The following DLGAP3 variants were observed in gnomAD, a reference collection of about 807,000 sequenced individuals.
DLGAP3 encodes DLG associated protein 3.
In DLGAP3, 17 loss-of-function variants were observed where a neutral mutation model predicts 81.2. That is an observed-to-expected ratio of 0.21 (90% CI 0.14 to 0.31). The LOEUF (loss-of-function observed/expected upper bound fraction) is 0.31, where lower values mean the gene tolerates loss of function less well. Among genes scored for constraint, DLGAP3 ranks in the 10% least tolerant of loss-of-function variants. DLGAP3 has a pLI of 1.00. For missense variants in DLGAP3, 1,124 were observed against 1,388.0 expected, an observed-to-expected ratio of 0.81 and a Z score of 3.02; for synonymous variants, 577 against 587.4, an observed-to-expected ratio of 0.98 and a Z score of 0.26.
At chr1:34,928,818 A>G (rs1402121420) in intron 1 of DLGAP3, among the ~76,000 whole-genome samples, 2 of 151,536 alleles carry the variant, frequency 1.3e-5, no homozygotes, top group Non-Finnish European at 2.9e-5. Flanking sequence ...CCATTCACAC[A>G]CTCACAGACA....
At chr1:34,914,274 G>C (rs1639684384) in intron 1 of DLGAP3, among the ~76,000 whole-genome samples, 1 of 152,178 alleles carries the variant, frequency 6.6e-6, no homozygotes, top group Non-Finnish European at 1.5e-5. Context: ...CTAATTGCAG[G>C]CATGGCCAAC....
At chr1:34,869,480 A>ATTTTT (rs71029050) in intron 8 of DLGAP3, among the ~76,000 whole-genome samples, 1 of 69,276 alleles carries the variant, frequency 1.4e-5, no homozygotes, top group African/African-American at 5.2e-5. Context: ...AGATATTTCA[A>ATTTTT]TTTTTTTTTT....
At position 34,902,493 on chromosome 1, in the gene DLGAP3, A is replaced by G. The variant is rs1639476365; in HGVS notation, c.1107+1784T>C. Among the ~76,000 whole-genome samples, 1 of 152,094 alleles carries G rather than the reference A, an allele frequency of 6.6e-6. No individual in the cohort carries two copies. ...ACAGGGCTTTGACAATCAGATCGGG[A>G]GTCCAGCAAAGACACCTGGCCTCAT... is the stretch of plus-strand genomic sequence containing the variant. On this transcript the variant is annotated intron_variant, in intron 3 of 11. Transcript: ENST00000373347. The surrounding 1 kb of genome is among the most constrained non-coding windows in gnomAD (Gnocchi z 4.4).
In DLGAP3 at chr1:34,873,113, C is replaced by T. The variant is rs1348148597; in HGVS notation, c.2001-4024G>A. On this transcript the variant is annotated intron_variant, in intron 8 of 11. Coordinates refer to ENST00000373347, the MANE Select transcript of DLGAP3 (RefSeq NM_001080418.3). The surrounding 1 kb of genome is among the most constrained non-coding windows in gnomAD (Gnocchi z 4.2). The stretch of plus-strand genomic sequence containing the variant: ...CATGCTCAATCCTCACAAACAGTCC[C>T]ACTCTATGGATGTTAGTGTCAGCCC... 6.6e-6 allele frequency among the ~76,000 whole-genome samples: 1 copy of T among 152,214 alleles called. No homozygotes were observed. The highest frequency in any genetic ancestry group is 6.5e-5 in the Admixed American group (1 of 15,286).
chr1:34,874,713 C>T (rs1291318918), intron 8 of DLGAP3, among the ~76,000 whole-genome samples: 1 of 152,024 alleles, frequency 6.6e-6, no homozygotes, highest in Non-Finnish European at 1.5e-5. Context: ...AACATAAAAG[C>T]CTCTGGGTAG....
At chr1:34,876,205 T>C (rs1639054181) in intron 8 of DLGAP3, among the ~76,000 whole-genome samples, 1 of 152,098 alleles carries the variant, frequency 6.6e-6, no homozygotes, top group Non-Finnish European at 1.5e-5. Flanking sequence ...GCCAGCCCCC[T>C]CCCCTTATAT....
chr1:34,903,897 C>T (rs1639501501), intron 3 of DLGAP3, among the ~76,000 whole-genome samples: 1 of 152,176 alleles, frequency 6.6e-6, no homozygotes, highest in African/African-American at 2.4e-5. Context: ...AACTGCTTTC[C>T]AACTGCCGAC....
chr1:34,904,161 C>A lies in DLGAP3; in HGVS notation c.1107+116G>T. Reference sequence around the variant, plus strand: ...TGGGGCAGGGCAGAGCCTCCCTACACCCAGGCCCTCCATCACAGGGACAGC... The same window carrying A: ...TGGGGCAGGGCAGAGCCTCCCTACAACCAGGCCCTCCATCACAGGGACAGC... On this transcript the variant is annotated intron_variant, in intron 3 of 11. Coordinates refer to ENST00000373347, the MANE Select transcript of DLGAP3 (RefSeq NM_001080418.3). This position sits in a 1 kb window ranked among gnomAD's most constrained non-coding sequence, Gnocchi z 8.1. 3 of 1,308,938 alleles carry A rather than the reference C, an allele frequency of 2.3e-6. No individual in the cohort carries two copies. The highest frequency in any genetic ancestry group is 1.1e-6 in the Non-Finnish European group (1 of 917,738). 81.1% of individuals were successfully genotyped at this position (1,308,938 alleles called of 1,614,324 possible).
chr1:34,872,064 G>A (rs1308416708), intron 8 of DLGAP3, among the ~76,000 whole-genome samples: 1 of 152,138 alleles, frequency 6.6e-6, no homozygotes, highest in African/African-American at 2.4e-5. Flanking sequence ...AAAGAACAAC[G>A]GATCCAAGAT....
chr1:34,882,555 G>T (rs939193863), intron 8 of DLGAP3, among the ~76,000 whole-genome samples: 2 of 152,140 alleles, frequency 1.3e-5, no homozygotes, highest in African/African-American at 4.8e-5. Flanking sequence ...GTTGTAAAAT[G>T]CAATAGAAGA....
chr1:34,910,764 T>C (rs2151553), intron 1 of DLGAP3, among the ~76,000 whole-genome samples: 6,492 of 152,272 alleles, frequency 0.043, 466 homozygotes, highest in African/African-American at 0.15. Flanking sequence ...CAAGGCACCA[T>C]GTACCTGTCT....
intron 7 of DLGAP3, 50 bp downstream of exon 7, chr1:34,885,427 GC>G: frequency 6.3e-7 from 1 of 1,589,420 alleles, no homozygotes; most frequent in South Asian, 1.1e-5. Flanking sequence ...CCTCACCCCA[GC>G]CCCGACCGAC....
chr1:34,877,008 A>T (rs1569602210), intron 8 of DLGAP3, among the ~76,000 whole-genome samples: 1 of 152,354 alleles, frequency 6.6e-6, no homozygotes, highest in East Asian at 1.9e-4. Flanking sequence ...TTAAAAATCA[A>T]AAAGGTGTTT....
At chr1:34,888,159 C>T (rs954634997) in intron 5 of DLGAP3, among the ~76,000 whole-genome samples, 1 of 152,204 alleles carries the variant, frequency 6.6e-6, no homozygotes, top group African/African-American at 2.4e-5. Context: ...ATTATATTTA[C>T]GTGCAGTCAA....
intron 11 of DLGAP3, among the ~76,000 whole-genome samples, chr1:34,866,760 C>T (rs953753871): frequency 5.3e-5 from 8 of 150,516 alleles, no homozygotes; most frequent in Admixed American, 2.0e-4. Context: ...TCTACTTTTG[C>T]TCTCTCCAGC....
At position 34,929,281 on chromosome 1, in the gene DLGAP3, G is replaced by T. The variant is rs1244256501; in HGVS notation, c.-135+170C>A. On this transcript the variant is annotated intron_variant, in intron 1 of 11. Coordinates refer to ENST00000373347, the MANE Select transcript of DLGAP3 (RefSeq NM_001080418.3). The surrounding 1 kb of genome is among the most constrained non-coding windows in gnomAD (Gnocchi z 6.5). The stretch of plus-strand genomic sequence containing the variant: ...GCCCGCGGGCAGCCAGGCCGGGGCA[G>T]GAGCGGGGGCAGCTGAGGAGGCCCA... Among the ~76,000 whole-genome samples, 1 of 151,026 alleles carries T rather than the reference G, an allele frequency of 6.6e-6. No individual in the cohort carries two copies. The highest frequency in any genetic ancestry group is 1.5e-5 in the Non-Finnish European group (1 of 67,568).
chr1:34,913,420 G>A (rs1466041666), intron 1 of DLGAP3, among the ~76,000 whole-genome samples: 1 of 152,154 alleles, frequency 6.6e-6, no homozygotes, highest in East Asian at 1.9e-4. Flanking sequence ...GGAACACTCT[G>A]CCCCAGATAT....
At chr1:34,896,351 C>T (rs1639379924) in intron 5 of DLGAP3, among the ~76,000 whole-genome samples, 1 of 152,050 alleles carries the variant, frequency 6.6e-6, no homozygotes, top group Non-Finnish European at 1.5e-5. Context: ...CTTTGGGAGG[C>T]CAAGGTGAGT....
At chr1:34,921,843 T>G (rs1019054996) in intron 1 of DLGAP3, among the ~76,000 whole-genome samples, 2 of 152,244 alleles carry the variant, frequency 1.3e-5, no homozygotes, top group African/African-American at 4.8e-5. Flanking sequence ...ATGTGCATGC[T>G]GACAAATCCC....
Sources: gnomAD v4.1 joint callset for allele counts (sites outside exome capture counted in the v4.1 genomes callset) on GRCh38, gnomAD v4.1.1 for gene constraint, Gnocchi (gnomAD v3.1) non-coding constraint, MANE v1.5 for transcripts, NCBI Gene and HGNC (gene_info 2026-07-23, HGNC 2026-07-21) for gene names.